Variants in RNF144A observed in about 807,000 individuals in gnomAD.
RNF144A encodes the protein ring finger protein 144A.
In RNF144A, 11 loss-of-function variants were observed where a neutral mutation model predicts 38.7. The ratio of observed to expected loss-of-function variants is 0.28; its 90% confidence interval spans 0.18 to 0.47. RNF144A has a LOEUF of 0.47. RNF144A is among the 20% of genes least tolerant of loss of function. RNF144A has a pLI of 0.99. For synonymous variants in RNF144A, 149 were observed against 143.9 expected, an observed-to-expected ratio of 1.04 and a Z score of -0.25; for missense variants, 316 against 377.2, an observed-to-expected ratio of 0.84 and a Z score of 1.34.
Position 7,027,862 on chromosome 2 carries a change from T to C in RNF144A, c.658-2264T>C, listed in dbSNP as rs146256475. Among the ~76,000 whole-genome samples, 950 of 152,278 alleles carry C rather than the reference T, an allele frequency of 6.2e-3. 12 individuals are homozygous for C. Among genetic ancestry groups the C allele is most frequent in the Non-Finnish European group, 5.5e-3 (374 of 68,016 alleles). On this transcript the variant is annotated intron_variant, in intron 7 of 8. Coordinates refer to ENST00000320892, the MANE Select transcript of RNF144A (RefSeq NM_014746.6). The stretch of plus-strand genomic sequence containing the variant: ...ATATTGTGAAACCATATTTGAGTGC[T>C]TTTATCAGGGGATAAGAAAAGTGCT...
intron 2 of RNF144A, chr2:6,978,831 C>G (rs1306321540): frequency 2.0e-5 from 3 of 152,580 alleles, no homozygotes; most frequent in Non-Finnish European, 4.4e-5. Flanking sequence ...ACCACCATGT[C>G]AGAACTGAGT....
intron 1 of RNF144A, among the ~76,000 whole-genome samples, chr2:6,928,639 T>C (rs1011909735): frequency 4.6e-5 from 7 of 152,230 alleles, no homozygotes; most frequent in Admixed American, 3.9e-4. Flanking sequence ...TCCCTTCCTT[T>C]CTGGCGACTG....
chr2:7,039,778 A>G lies in RNF144A; in HGVS notation c.*18A>G, dbSNP rs748863431. The G allele has an allele frequency of 5.6e-6, 9 of 1,611,152 alleles. No individual in the cohort carries two copies. Among genetic ancestry groups the G allele is most frequent in the Non-Finnish European group, 7.6e-6 (9 of 1,179,032 alleles). On this transcript the variant is annotated 3_prime_UTR_variant, in exon 9 of 9. Coordinates refer to ENST00000320892, the MANE Select transcript of RNF144A (RefSeq NM_014746.6). ...CCACCTAGAGGAAGCGCGATGCTGG[A>G]ACACATCCCTGCCTCCGGGAAGTGT...
chr2:7,014,815 G>A (rs760054819), intron 5 of RNF144A, 43 bp downstream of exon 5: 17 of 1,386,976 alleles, frequency 1.2e-5, no homozygotes, highest in Non-Finnish European at 1.7e-5. Flanking sequence ...CCTGTAATGT[G>A]TGAATGTGGA....
rs898952561 is a variant in RNF144A, at chr2:6,929,619, A to G, written c.-211-11329A>G. Among the ~76,000 whole-genome samples the G allele has an allele frequency of 2.0e-5, 3 of 152,330 alleles. No individual in the cohort carries two copies. The South Asian group carries it at 6.2e-4, about 32-fold the overall frequency. On this transcript the variant is annotated intron_variant, in intron 1 of 8. Transcript: ENST00000320892. ...ACGCATGTCTGTAAACTGACCTCAAATGGCAAAAACCCTCAGCTGAGGTGC... is the reference window on the plus strand; with the variant it reads ...ACGCATGTCTGTAAACTGACCTCAAGTGGCAAAAACCCTCAGCTGAGGTGC...
intron 6 of RNF144A, among the ~76,000 whole-genome samples, chr2:7,052,181 C>G (rs1673556384): frequency 6.6e-6 from 1 of 151,864 alleles, no homozygotes; most frequent in Non-Finnish European, 1.5e-5. Context: ...GATTCTGAAC[C>G]AGAAAAAAAA....
chr2:6,933,960 TTTTTG>T (rs1238135308), intron 1 of RNF144A, among the ~76,000 whole-genome samples: 10 of 152,184 alleles, frequency 6.6e-5, no homozygotes, highest in Non-Finnish European at 1.5e-4. Context: ...TTTGTTTTTG[TTTTTG>T]TTTTGTTTTG....
In RNF144A at chr2:7,006,610, G is replaced by A. The variant is rs567860070; in HGVS notation, c.136-7844G>A. ...AGGTGGGTCCTGGTACCCCAACCCC[G>A]AGCCCCTTCACTGCCTCCCTCCCTC... On this transcript the variant is annotated intron_variant, in intron 3 of 8. Coordinates refer to ENST00000320892, the MANE Select transcript of RNF144A (RefSeq NM_014746.6). 2.6e-4 allele frequency among the ~76,000 whole-genome samples: 40 copies of A among 152,030 alleles called. No individual in the cohort carries two copies. In the South Asian group the frequency reaches 7.3e-3, roughly 28 times the overall value.
chr2:6,991,813 CTCAT>C (rs1042884186), intron 2 of RNF144A, among the ~76,000 whole-genome samples: 7 of 152,216 alleles, frequency 4.6e-5, no homozygotes, highest in African/African-American at 9.6e-5. Flanking sequence ...ATATATCTCT[CTCAT>C]AAATACATAT....
At chr2:7,018,932 C>T (rs1191647896) in intron 5 of RNF144A, among the ~76,000 whole-genome samples, 1 of 151,960 alleles carries the variant, frequency 6.6e-6, no homozygotes, top group Admixed American at 6.5e-5. Context: ...GATCAAGGGT[C>T]AGCCAGCCAT....
At chr2:7,016,711 C>T (rs769670928) in intron 5 of RNF144A, among the ~76,000 whole-genome samples, 1 of 151,788 alleles carries the variant, frequency 6.6e-6, no homozygotes. Context: ...TGGATTATAG[C>T]CAGCACCTTG....
intron 1 of RNF144A, among the ~76,000 whole-genome samples, chr2:6,932,696 T>C (rs576156749): frequency 1.3e-5 from 2 of 152,194 alleles, no homozygotes; most frequent in South Asian, 4.1e-4. Context: ...AAGACTCAGC[T>C]TCATTTTTAT....
chr2:7,020,085 G>A (rs974039743), intron 5 of RNF144A, among the ~76,000 whole-genome samples: 3 of 152,174 alleles, frequency 2.0e-5, no homozygotes, highest in Non-Finnish European at 4.4e-5. Flanking sequence ...AGGCAGATGA[G>A]CTAGCGCCAT....
downstream of RNF144A, among the ~76,000 whole-genome samples, chr2:7,070,732 G>T (rs1192862864): frequency 8.5e-5 from 13 of 152,108 alleles, no homozygotes; most frequent in Non-Finnish European, 8.8e-5. Flanking sequence ...CCATACGATG[G>T]AGGAGGTAAC....
At chr2:7,000,259 A>G (rs907861172) in intron 3 of RNF144A, among the ~76,000 whole-genome samples, 4 of 152,240 alleles carry the variant, frequency 2.6e-5, no homozygotes, top group African/African-American at 9.6e-5. Flanking sequence ...TAACTTTAGA[A>G]GGTCAAATGT....
At chr2:6,946,063 C>T (rs986758929) in intron 2 of RNF144A, among the ~76,000 whole-genome samples, 3 of 152,184 alleles carry the variant, frequency 2.0e-5, no homozygotes, top group Admixed American at 2.0e-4. Flanking sequence ...TGATATCATG[C>T]TTCTGGGATA....
Position 7,039,952 on chromosome 2 carries a change from G to T in RNF144A, c.*192G>T. ...TCGCTGAGGCCCCAGGTGTGGTGGG[G>T]AGGGGAGGCAGGTGTGGGTAGCGCA... On this transcript the variant is annotated 3_prime_UTR_variant, in exon 9 of 9. Transcript: ENST00000320892. The T allele has an allele frequency of 7.1e-7, 1 of 1,405,356 alleles. No individual in the cohort carries two copies. The highest frequency in any genetic ancestry group is 9.3e-7 in the Non-Finnish European group (1 of 1,080,898). 87.1% of individuals were successfully genotyped at this position (1,405,356 alleles called of 1,614,324 possible).
intron 1 of RNF144A, among the ~76,000 whole-genome samples, chr2:6,924,083 A>G (rs1418762755): frequency 6.6e-6 from 1 of 152,238 alleles, no homozygotes; most frequent in Non-Finnish European, 1.5e-5. Context: ...TGATCCGAGT[A>G]AACCAGGTTC....
intron 1 of RNF144A, among the ~76,000 whole-genome samples, chr2:6,921,118 T>G (rs1448673457): frequency 1.3e-5 from 2 of 152,208 alleles, no homozygotes; most frequent in Non-Finnish European, 2.9e-5. Flanking sequence ...AAGAGTGGAT[T>G]TTTTCCAAAG....
Sources: allele counts gnomAD v4.1 joint callset (sites outside exome capture counted in the v4.1 genomes callset), GRCh38; gene constraint gnomAD v4.1.1; transcripts MANE v1.5; gene names NCBI Gene and HGNC (gene_info 2026-07-23, HGNC 2026-07-21).